ICA1: variants seen among roughly 807,000 people sequenced by gnomAD.
The protein encoded by ICA1 is 69 kDa islet cell autoantigen.
A neutral mutation model predicts 71.0 loss-of-function variants in ICA1; 40 were observed. The ratio of observed to expected loss-of-function variants is 0.56; its 90% confidence interval spans 0.44 to 0.73. The LOEUF is 0.73. ICA1 is among the 30% of genes least tolerant of loss of function. ICA1 has a pLI of 0.00. For missense variants in ICA1, 578 were observed against 576.5 expected (o/e 1.00, Z -0.03); for synonymous variants, 207 against 209.5 (o/e 0.99, Z 0.10).
At chr7:8,228,784 G>T in intron 3 of ICA1, 111 bp from the exon 4 acceptor site, 1 of 625,670 alleles carries the variant, frequency 1.6e-6, no homozygotes, top group Non-Finnish European at 2.8e-6. Flanking sequence ...AAGACCACAT[G>T]TCTAAGTATG....
At chr7:8,246,005 T>C (rs1244914250) in intron 1 of ICA1, among the ~76,000 whole-genome samples, 1 of 152,242 alleles carries the variant, frequency 6.6e-6, no homozygotes, top group Non-Finnish European at 1.5e-5. Context: ...GATTAGCTAA[T>C]ACTTCATGAT....
At chr7:8,256,563 A>G (rs182932903) in intron 1 of ICA1, among the ~76,000 whole-genome samples, 12 of 152,272 alleles carry the variant, frequency 7.9e-5, no homozygotes, top group Admixed American at 4.6e-4. Flanking sequence ...TTGCCTCTTC[A>G]GTGAAGTATT....
intron 1 of ICA1, among the ~76,000 whole-genome samples, chr7:8,258,179 G>A (rs185015168): frequency 6.6e-6 from 1 of 152,226 alleles, no homozygotes; most frequent in African/African-American, 2.4e-5. Flanking sequence ...TTGGTTAGTT[G>A]ACTCCTCTCT....
At chr7:8,206,914 C>T (rs765396756) in intron 6 of ICA1, among the ~76,000 whole-genome samples, 5 of 152,268 alleles carry the variant, frequency 3.3e-5, no homozygotes, top group South Asian at 4.2e-4. Flanking sequence ...CAAGTCCGTT[C>T]GCCTGAACCT....
intron 9 of ICA1, among the ~76,000 whole-genome samples, chr7:8,142,872 T>C (rs1158318310): frequency 1.3e-5 from 2 of 152,256 alleles, no homozygotes; most frequent in African/African-American, 2.4e-5. Context: ...CATTCTACAG[T>C]CTGTCCTTCA....
intron 6 of ICA1, among the ~76,000 whole-genome samples, chr7:8,183,460 G>A (rs370176211): frequency 6.6e-6 from 1 of 152,154 alleles, no homozygotes; most frequent in East Asian, 1.9e-4. Flanking sequence ...GAAGGTTTTT[G>A]CAGAGGGGAA....
chr7:8,232,503 C>T, intron 3 of ICA1, 87 bp downstream of exon 3: 1 of 1,135,530 alleles, frequency 8.8e-7, no homozygotes, highest in East Asian at 3.0e-5. Flanking sequence ...ATACAAAGCA[C>T]ACCCAGCTCT....
chr7:8,204,920 G>A (rs1790974573), intron 6 of ICA1, among the ~76,000 whole-genome samples: 1 of 152,082 alleles, frequency 6.6e-6, no homozygotes, highest in South Asian at 2.1e-4. Flanking sequence ...GGAGAAAGGA[G>A]GGACAATTAA....
intron 1 of ICA1, among the ~76,000 whole-genome samples, chr7:8,240,669 A>G (rs995517513): frequency 3.3e-5 from 5 of 152,202 alleles, no homozygotes; most frequent in Non-Finnish European, 7.3e-5. Flanking sequence ...CCTTGAAAAA[A>G]AGATCAGACG....
chr7:8,149,563 C>T (rs1380498833), intron 8 of ICA1, among the ~76,000 whole-genome samples: 1 of 152,134 alleles, frequency 6.6e-6, no homozygotes, highest in Non-Finnish European at 1.5e-5. Flanking sequence ...AAAATAAAAG[C>T]AACAGCAACA....
chr7:8,202,764 G>T (rs938395336), intron 6 of ICA1, among the ~76,000 whole-genome samples: 2 of 152,202 alleles, frequency 1.3e-5, no homozygotes, highest in South Asian at 4.1e-4. Flanking sequence ...GTAACAAACT[G>T]CAGAGTAAAA....
At chr7:8,139,350 C>T (rs1794454421) in intron 10 of ICA1, among the ~76,000 whole-genome samples, 1 of 152,168 alleles carries the variant, frequency 6.6e-6, no homozygotes, top group Non-Finnish European at 1.5e-5. Flanking sequence ...CTTGATGATG[C>T]TGATGAACTT....
intron 13 of ICA1, chr7:8,116,226 T>C (rs1211990130): frequency 6.6e-6 from 1 of 152,218 alleles, no homozygotes; most frequent in Non-Finnish European, 1.5e-5. Flanking sequence ...GACAAAATGC[T>C]GTTATTACCT....
At chr7:8,211,302 C>T (rs185740363) in intron 6 of ICA1, among the ~76,000 whole-genome samples, 1 of 152,260 alleles carries the variant, frequency 6.6e-6, no homozygotes, top group Non-Finnish European at 1.5e-5. Context: ...GCCATGTGCC[C>T]TGCTAAGTAC....
intron 6 of ICA1, among the ~76,000 whole-genome samples, chr7:8,187,214 G>C (rs994975039): frequency 2.6e-5 from 4 of 152,136 alleles, no homozygotes. Flanking sequence ...TTTTTACAAA[G>C]TATATATTAT....
At chr7:8,189,741 C>T (rs1381008201) in intron 6 of ICA1, among the ~76,000 whole-genome samples, 1 of 150,330 alleles carries the variant, frequency 6.7e-6, no homozygotes, top group Non-Finnish European at 1.5e-5. Flanking sequence ...GGGTAGGCAG[C>T]GCTCCCTTGA....
At chr7:8,244,955 T>C (rs958738943) in intron 1 of ICA1, among the ~76,000 whole-genome samples, 2 of 152,164 alleles carry the variant, frequency 1.3e-5, no homozygotes, top group African/African-American at 4.8e-5. Flanking sequence ...TTTTACACTG[T>C]TGGTGGGGAG....
At position 8,221,267 on chromosome 7, in the gene ICA1, C is replaced by CCA. The variant is rs1244320936; in HGVS notation, c.380+6_380+7dup. ...CCCCCAGATAGAACCCCACTAAAGG[C>CCA]CACACACCTTTGCTGGGAAGAAAAG... On this transcript the variant is annotated splice_region_variant and intron_variant, in intron 5 of 13. Coordinates refer to ENST00000402384, the MANE Select transcript of ICA1 (RefSeq NM_001136020.3). 1.9e-6 allele frequency: 3 copies of CCA among 1,613,224 alleles called. No individual in the cohort carries two copies. The African/African-American group carries it at 4.0e-5, about 22-fold the overall frequency.
At chr7:8,182,022 T>C (rs557522207) in intron 6 of ICA1, among the ~76,000 whole-genome samples, 6 of 152,198 alleles carry the variant, frequency 3.9e-5, no homozygotes, top group Non-Finnish European at 5.9e-5. Context: ...AAAAACTCAA[T>C]GCTCCAGTCA....
Sources: allele counts gnomAD v4.1 joint callset (sites outside exome capture counted in the v4.1 genomes callset), GRCh38; gene constraint gnomAD v4.1.1; transcripts MANE v1.5; gene names NCBI Gene and HGNC (gene_info 2026-07-23, HGNC 2026-07-21).